PTPRT: variants seen among roughly 807,000 people sequenced by gnomAD.
PTPRT encodes receptor-type tyrosine-protein phosphatase T.
In PTPRT, 56 loss-of-function variants were observed where a neutral mutation model predicts 176.8. The ratio of observed to expected loss-of-function variants is 0.32; its 90% CI spans 0.26 to 0.40. The LOEUF (loss-of-function observed/expected upper bound fraction) is 0.40. PTPRT is among the 10% of genes least tolerant of loss of function. The pLI, the probability that PTPRT is intolerant of heterozygous loss-of-function variation, is 1.00. For synonymous variants in PTPRT, 783 were observed against 739.0 expected (o/e 1.06, Z -0.96); for missense variants, 1,540 against 1,908.2 (o/e 0.81, Z 3.60).
chr20:42,382,781 T>C (rs1241747137), intron 9 of PTPRT, among the ~76,000 whole-genome samples: 1 of 152,184 alleles, frequency 6.6e-6, no homozygotes, highest in African/African-American at 2.4e-5. Flanking sequence ...TTTCCATTTG[T>C]CTTTGTCCCT....
At chr20:42,236,109 C>T in intron 15 of PTPRT, 120 bp downstream of exon 15, 2 of 838,380 alleles carry the variant, frequency 2.4e-6, no homozygotes, top group East Asian at 2.7e-5. Flanking sequence ...TTTAAGGCTA[C>T]AGACAACTTA....
At chr20:42,930,461 CT>C (rs1467307957) in intron 1 of PTPRT, among the ~76,000 whole-genome samples, 1 of 151,878 alleles carries the variant, frequency 6.6e-6, no homozygotes, top group East Asian at 1.9e-4. Context: ...ATTCCCTTTA[CT>C]TTTTTTACTT....
At chr20:42,169,968 T>C (rs1195816300) in intron 16 of PTPRT, among the ~76,000 whole-genome samples, 1 of 152,146 alleles carries the variant, frequency 6.6e-6, no homozygotes, top group African/African-American at 2.4e-5. Flanking sequence ...GCAAGTTAAA[T>C]AAAAATCTTT....
At chr20:42,952,024 G>A (rs1325821369) in intron 1 of PTPRT, among the ~76,000 whole-genome samples, 1 of 152,214 alleles carries the variant, frequency 6.6e-6, no homozygotes, top group Admixed American at 6.5e-5. Context: ...CGGGCTATGA[G>A]CTGTGAGGAA....
At position 42,440,195 on chromosome 20, in the gene PTPRT, A is replaced by G. The variant is rs960260850; in HGVS notation, c.1560+8025T>C. Among the ~76,000 whole-genome samples, 9 of 152,256 alleles carry G rather than the reference A, an allele frequency of 5.9e-5. No homozygotes were observed. In the South Asian group the frequency reaches 6.2e-4, roughly 11 times the overall value. The stretch of plus-strand genomic sequence containing the variant: ...GCTGGGATTACAGGTGTGAGCCACC[A>G]CACCAGGCCAAACTAGACTTTATTT... On this transcript the variant is annotated intron_variant, in intron 9 of 30. Coordinates refer to ENST00000373187, the MANE Select transcript of PTPRT (RefSeq NM_007050.6).
At chr20:42,582,773 G>T (rs1189747099) in intron 7 of PTPRT, among the ~76,000 whole-genome samples, 1 of 152,066 alleles carries the variant, frequency 6.6e-6, no homozygotes, top group Non-Finnish European at 1.5e-5. Context: ...CAAAAAACTG[G>T]ACCTATAGAG....
In PTPRT at chr20:43,083,257, C is replaced by T. The variant is rs1235451994; in HGVS notation, c.88+106389G>A. Among the ~76,000 whole-genome samples, 9 of 139,474 alleles carry T rather than the reference C, an allele frequency of 6.5e-5. No homozygotes were observed. The East Asian group carries it at 1.2e-3, about 19-fold the overall frequency. The allele number at this position is 139,474 out of a possible 152,430, so 91.5% of individuals were successfully genotyped here. ...ATTTAGAATACTGATTCTATGAATG[C>T]TATTATTTTGAATGCTTTTTTGAGG... On this transcript the variant is annotated intron_variant, in intron 1 of 30. Coordinates refer to ENST00000373187, the MANE Select transcript of PTPRT (RefSeq NM_007050.6).
intron 1 of PTPRT, among the ~76,000 whole-genome samples, chr20:43,129,843 C>T (rs1188478981): frequency 6.6e-6 from 1 of 151,818 alleles, no homozygotes; most frequent in Non-Finnish European, 1.5e-5. Flanking sequence ...TGGTCTCGAT[C>T]TCCTGACCTC....
In PTPRT at chr20:42,145,769, C is replaced by T. The variant is rs1435033406; in HGVS notation, c.2683-3767G>A. On this transcript the variant is annotated intron_variant, in intron 17 of 30. Transcript: ENST00000373187. ...CTTAGCCTTTCTTAGGTTTTAGATTCGGGTAATAAAGTGCCTTCCTAGCTA... is the reference window on the plus strand; with the variant it reads ...CTTAGCCTTTCTTAGGTTTTAGATTTGGGTAATAAAGTGCCTTCCTAGCTA... Among the ~76,000 whole-genome samples, 3 of 152,104 alleles carry T rather than the reference C, an allele frequency of 2.0e-5. No individual in the cohort carries two copies. The East Asian group carries it at 5.8e-4, about 29-fold the overall frequency.
At chr20:42,500,225 C>A (rs1330064590) in intron 7 of PTPRT, among the ~76,000 whole-genome samples, 1 of 151,984 alleles carries the variant, frequency 6.6e-6, no homozygotes, top group Non-Finnish European at 1.5e-5. Context: ...GAAGTACACG[C>A]ATCTCTGAAT....
At chr20:42,711,224 A>C (rs1295915187) in intron 6 of PTPRT, among the ~76,000 whole-genome samples, 1 of 152,184 alleles carries the variant, frequency 6.6e-6, no homozygotes, top group Non-Finnish European at 1.5e-5. Context: ...GGAAGAAATG[A>C]ATGTGTTTTG....
At chr20:43,148,051 G>A (rs975400607) in intron 1 of PTPRT, among the ~76,000 whole-genome samples, 1 of 150,284 alleles carries the variant, frequency 6.7e-6, no homozygotes, top group South Asian at 2.1e-4. Flanking sequence ...GCTGCAATAG[G>A]TGTCATGGAA....
At chr20:43,166,838 A>T (rs1172995768) in intron 1 of PTPRT, among the ~76,000 whole-genome samples, 1 of 152,192 alleles carries the variant, frequency 6.6e-6, no homozygotes, top group Non-Finnish European at 1.5e-5. Flanking sequence ...GAATAATAAT[A>T]AAGAAAAGTG....
At chr20:42,255,546 G>A (rs1344903051) in intron 13 of PTPRT, among the ~76,000 whole-genome samples, 3 of 152,164 alleles carry the variant, frequency 2.0e-5, no homozygotes, top group Non-Finnish European at 4.4e-5. Context: ...AGCCCCTAGA[G>A]TGATTCACTT....
intron 1 of PTPRT, among the ~76,000 whole-genome samples, chr20:43,161,128 C>A: frequency 6.6e-6 from 1 of 152,280 alleles, no homozygotes; most frequent in Admixed American, 6.5e-5. Context: ...GGCCAGCTGT[C>A]TGTTTTTGTA....
At chr20:42,110,535 C>T (rs1986917091) in intron 22 of PTPRT, 48 bp from the exon 23 acceptor site, 2 of 1,539,296 alleles carry the variant, frequency 1.3e-6, no homozygotes, top group Non-Finnish European at 1.8e-6. Flanking sequence ...CCCTCGCATA[C>T]CCAGCCCAGC....
At chr20:42,717,352 C>T (rs777422075) in intron 6 of PTPRT, among the ~76,000 whole-genome samples, 102 of 151,996 alleles carry the variant, frequency 6.7e-4, no homozygotes, top group Non-Finnish European at 8.5e-4. Context: ...CCAAAATAAA[C>T]CCTTACATAT....
rs1982420091 is a variant in PTPRT at position 42,072,784 on chromosome 20, G to A, written c.*8095C>T. The A allele has an allele frequency of 4.7e-6, 1 of 213,310 alleles. No homozygotes were observed. Among genetic ancestry groups the A allele is most frequent in the African/African-American group, 2.3e-5 (1 of 44,158 alleles). 13.2% of individuals were successfully genotyped at this position (213,310 alleles called of 1,614,324 possible). A position where few individuals can be genotyped will look rare whatever the true frequency, so the allele number is the denominator to read the frequency against. ...GGAAAACATGAATCTCAGGGTCACA[G>A]CTTTATTGTATAGATTTTTTAACAC... On this transcript the variant is annotated 3_prime_UTR_variant, in exon 31 of 31. Transcript: ENST00000373187.
At chr20:42,676,674 A>G (rs2075509804) in intron 7 of PTPRT, among the ~76,000 whole-genome samples, 2 of 152,208 alleles carry the variant, frequency 1.3e-5, no homozygotes, top group African/African-American at 2.4e-5. Flanking sequence ...AAAGTTTAAA[A>G]GTATTGAGTC....
Sources: allele counts gnomAD v4.1 joint callset (sites outside exome capture counted in the v4.1 genomes callset), GRCh38; gene constraint gnomAD v4.1.1; transcripts MANE v1.5; gene names NCBI Gene and HGNC (gene_info 2026-07-23, HGNC 2026-07-21).